The following NUCB1 variants were observed in gnomAD, a reference collection of about 807,000 sequenced individuals.
The protein encoded by NUCB1 is nucleobindin 1, also known as nucleobindin-1.
A neutral mutation model predicts 61.2 loss-of-function variants in NUCB1; 47 were observed. The ratio of observed to expected loss-of-function variants is 0.77; its 90% CI spans 0.61 to 0.98. The LOEUF is 0.98. NUCB1 is among the 50% of genes least tolerant of loss of function. The pLI is 0.00. For missense variants in NUCB1, 583 were observed against 605.3 expected, an observed-to-expected ratio of 0.96 and a Z score of 0.39; for synonymous variants, 234 against 243.1, an observed-to-expected ratio of 0.96 and a Z score of 0.35.
At position 48,913,146 on chromosome 19, in the gene NUCB1, C is replaced by G. The variant is rs758848012; in HGVS notation, c.616C>G (p.Leu206Val). 1.1e-5 allele frequency: 17 copies of G among 1,613,768 alleles called. No individual in the cohort carries two copies. Among genetic ancestry groups the G allele is most frequent in the Non-Finnish European group, 8.5e-7 (1 of 1,180,000 alleles). Residue 206 changes from leucine (L) to valine (V), a missense_variant, in exon 6 of 13, where the codon CTG (leucine) becomes GTG (valine). Physicochemically the swap from Leu to Val is conservative, Grantham distance 32. Transcript: ENST00000405315. The stretch of plus-strand genomic sequence containing the variant: ...GCAGAGAAAGGAGGCGGAGAGGAAG[C>G]TGGAAGAGCAACAGCGCCGGCACCG... The part of the protein sequence containing the change: ...EEQRKEAERK[L>V]EEQQRRHREH...
intron 10 of NUCB1, 66 bp from the exon 11 acceptor site, chr19:48,921,088 C>T (rs1600069752): frequency 1.3e-6 from 2 of 1,516,390 alleles, no homozygotes; most frequent in East Asian, 4.6e-5. Flanking sequence ...TTGGCACAAC[C>T]CTCTCCAACA....
chr19:48,905,920 AG>A, intron 4 of NUCB1, 35 bp downstream of exon 4: 2 of 473,424 alleles, frequency 4.2e-6, no homozygotes, highest in South Asian at 1.7e-5. Flanking sequence ...ACAGGCAGGG[AG>A]GGGTGGGGAA....
chr19:48,902,760 G>A (rs2037366163), intron 2 of NUCB1, among the ~76,000 whole-genome samples: 1 of 151,936 alleles, frequency 6.6e-6, no homozygotes, highest in Non-Finnish European at 1.5e-5. Flanking sequence ...GTGAGGGGAA[G>A]AGCATTCCAG....
At position 48,902,412 on chromosome 19, in the gene NUCB1, T is replaced by C. The variant is rs1236522741; in HGVS notation, c.135+1481T>C. Among the ~76,000 whole-genome samples, 3 of 118,652 alleles carry C rather than the reference T, an allele frequency of 2.5e-5. No homozygotes were observed. In the East Asian group the frequency reaches 6.1e-4, roughly 24 times the overall value. 77.8% of individuals were successfully genotyped at this position (118,652 alleles called of 152,430 possible). On this transcript the variant is annotated intron_variant, in intron 2 of 12. Coordinates refer to ENST00000405315, the MANE Select transcript of NUCB1 (RefSeq NM_006184.6). ...GCATGAGCCACCTCATTTTTTCTTT[T>C]CCTTTTTCTTTTTTTTTTTTTTTTT...
At chr19:48,913,695 T>G (rs545307812) in intron 7 of NUCB1, 131 bp downstream of exon 7, 19 of 697,808 alleles carry the variant, frequency 2.7e-5, no homozygotes, top group South Asian at 1.7e-4. Context: ...CTATGTCCCC[T>G]GGTTGACCAG....
intron 6 of NUCB1, 46 bp downstream of exon 6, chr19:48,913,242 C>G (rs1188429602): frequency 1.9e-6 from 3 of 1,547,412 alleles, no homozygotes; most frequent in Non-Finnish European, 2.6e-6. Flanking sequence ...ACATCCAGTT[C>G]AAACGCAAGA....
rs2037521864 is a variant in NUCB1 at position 48,914,898 on chromosome 19, T to C, written c.757+1334T>C. On this transcript the variant is annotated intron_variant, in intron 7 of 12. Coordinates refer to ENST00000405315, the MANE Select transcript of NUCB1 (RefSeq NM_006184.6). ...GAGTTCAAGACCAGCCTGGCCAACATGGTGAAACCCCATCTCCACAAAAAT... is the reference window on the plus strand; with the variant it reads ...GAGTTCAAGACCAGCCTGGCCAACACGGTGAAACCCCATCTCCACAAAAAT... 2.0e-5 allele frequency among the ~76,000 whole-genome samples: 3 copies of C among 151,716 alleles called. No individual in the cohort carries two copies. In the South Asian group the frequency reaches 6.2e-4, roughly 32 times the overall value.
Position 48,905,858 on chromosome 19 carries a change from G to A in NUCB1, c.349G>A (p.Ala117Thr). Residue 117 changes from alanine to threonine, a missense_variant, in exon 4 of 13, where the codon GCC (alanine) becomes ACC (threonine). Ala to Thr is a moderately conservative substitution (Grantham distance 58). Coordinates refer to ENST00000405315, the MANE Select transcript of NUCB1 (RefSeq NM_006184.6). ...EVSRLRMLLK[A>T]KMDAEQDPNV... ...GTCACGGCTGCGGATGCTGCTCAAG[G>A]CCAAGATGGACGCCGAGCAGGATCC... 5.9e-6 allele frequency: 8 copies of A among 1,359,858 alleles called. No individual in the cohort carries two copies. The highest frequency in any genetic ancestry group is 7.8e-6 in the Non-Finnish European group (8 of 1,020,252). 84.2% of individuals were successfully genotyped at this position (1,359,858 alleles called of 1,614,324 possible).
intron 6 of NUCB1, 49 bp downstream of exon 6, chr19:48,913,245 A>C (rs1408428192): frequency 5.8e-6 from 9 of 1,541,684 alleles, no homozygotes; most frequent in Non-Finnish European, 7.9e-6. Flanking sequence ...TCCAGTTCAA[A>C]CGCAAGACAA....
intron 2 of NUCB1, among the ~76,000 whole-genome samples, chr19:48,903,530 G>A (rs1421034940): frequency 4.2e-4 from 42 of 99,498 alleles, no homozygotes; most frequent in African/African-American, 6.7e-4. Flanking sequence ...GGATGGATGG[G>A]TGGGTGGATG....
chr19:48,912,977 G>C (rs566006368), intron 5 of NUCB1, 34 bp from the exon 6 acceptor site: 1 of 1,543,182 alleles, frequency 6.5e-7, no homozygotes, highest in Non-Finnish European at 8.8e-7. Flanking sequence ...TGGGCAGAGG[G>C]GGCAGAGGGG....
At chr19:48,916,908 C>G (rs1244401356) in intron 7 of NUCB1, among the ~76,000 whole-genome samples, 1 of 152,110 alleles carries the variant, frequency 6.6e-6, no homozygotes, top group Non-Finnish European at 1.5e-5. Flanking sequence ...GAGCGAGACT[C>G]TGTCTCAAAA....
At chr19:48,919,434 T>C in intron 10 of NUCB1, 148 bp downstream of exon 10, 3 of 521,632 alleles carry the variant, frequency 5.8e-6, no homozygotes, top group Non-Finnish European at 6.9e-6. Flanking sequence ...GTCTCTGTTT[T>C]CCCCTGTCTC....
Position 48,922,374 on chromosome 19 carries a change from A to G in NUCB1, c.1336A>G (p.Lys446Glu), listed in dbSNP as rs1415656092. The G allele has an allele frequency of 3.7e-6, 6 of 1,613,870 alleles. No individual in the cohort carries two copies. The highest frequency in any genetic ancestry group is 5.1e-6 in the Non-Finnish European group (6 of 1,179,838). ...CCAGAAGGAGGTGGACACTTCAGAA[A>G]AGAAACTTCTCGAGCGGCTCCCTGA... ...GDQKEVDTSE[K>E]KLLERLPEVE... Residue 446 changes from lysine (K) to glutamate (E), a missense_variant, in exon 13 of 13, where the codon AAG (lysine) becomes GAG (glutamate). By Grantham distance (56) the Lys-to-Glu change is moderately conservative. Transcript: ENST00000405315.
intron 4 of NUCB1, among the ~76,000 whole-genome samples, chr19:48,910,291 T>C (rs2037457495): frequency 2.6e-5 from 4 of 151,660 alleles, no homozygotes; most frequent in Admixed American, 1.3e-4. Context: ...TTGGCCAGGA[T>C]GGTCTCAATC....
chr19:48,908,929 C>G (rs1024387740), intron 4 of NUCB1, among the ~76,000 whole-genome samples: 4 of 152,034 alleles, frequency 2.6e-5, no homozygotes. Flanking sequence ...CCTGGAAACC[C>G]TACCCCTTCC....
chr19:48,921,815 C>A lies in NUCB1; in HGVS notation c.1174-12C>A. ...ACACCCTCTTGTCTGTGTGACCCCC[C>A]ACCTCCCACAGGCTGTGCTGCACAT... On this transcript the variant is annotated splice_polypyrimidine_tract_variant and intron_variant, in intron 11 of 12. Coordinates refer to ENST00000405315, the MANE Select transcript of NUCB1 (RefSeq NM_006184.6). 6.2e-7 allele frequency: 1 copy of A among 1,609,654 alleles called. No individual in the cohort carries two copies. The highest frequency in any genetic ancestry group is 8.5e-7 in the Non-Finnish European group (1 of 1,178,932).
intron 7 of NUCB1, among the ~76,000 whole-genome samples, chr19:48,917,490 A>C (rs1342778696): frequency 9.6e-6 from 1 of 103,664 alleles, no homozygotes; most frequent in African/African-American, 2.7e-5. Flanking sequence ...TGCCCAGCCA[A>C]TTTTTAAATT....
intron 3 of NUCB1, among the ~76,000 whole-genome samples, chr19:48,904,847 A>G (rs182385430): frequency 6.6e-6 from 1 of 152,268 alleles, no homozygotes; most frequent in Admixed American, 6.5e-5. Flanking sequence ...AAGGGGCCAC[A>G]TGGCTCCAGC....
Sources: allele counts gnomAD v4.1 joint callset (sites outside exome capture counted in the v4.1 genomes callset), GRCh38; gene constraint gnomAD v4.1.1; transcripts MANE v1.5; gene names NCBI Gene and HGNC (gene_info 2026-07-23, HGNC 2026-07-21).